PALM2AKAP2: variants seen among roughly 807,000 people sequenced by gnomAD.
The protein encoded by PALM2AKAP2 is PALM2-AKAP2 fusion protein.
A neutral mutation model predicts 71.5 loss-of-function variants in PALM2AKAP2; 37 were observed. That is an observed-to-expected ratio of 0.52 (90% CI 0.40 to 0.68). PALM2AKAP2 has a LOEUF of 0.68. PALM2AKAP2 is among the 30% of genes least tolerant of loss of function. The probability of loss-of-function intolerance (pLI) is 0.00; values close to 1 mark genes in which losing one functional copy is unlikely to be tolerated. For missense variants in PALM2AKAP2, 1,224 were observed against 1,191.8 expected (o/e 1.03, Z -0.40); for synonymous variants, 468 against 478.8 (o/e 0.98, Z 0.29).
intron 1 of PALM2AKAP2, among the ~76,000 whole-genome samples, chr9:110,128,514 A>G (rs1835667270): frequency 1.3e-5 from 2 of 152,252 alleles, no homozygotes; most frequent in African/African-American, 2.4e-5. Context: ...ACTGGATTAA[A>G]GGATCGGGTC....
At chr9:109,662,966 T>A (rs982469449) in intron 1 of PALM2AKAP2, among the ~76,000 whole-genome samples, 5 of 152,322 alleles carry the variant, frequency 3.3e-5, no homozygotes, top group Non-Finnish European at 7.3e-5. Context: ...GAGGTGTTTA[T>A]AGTATTCTCT....
chr9:110,110,052 G>A (rs1440501564), intron 1 of PALM2AKAP2, among the ~76,000 whole-genome samples: 5 of 152,234 alleles, frequency 3.3e-5, no homozygotes, highest in Admixed American at 1.3e-4. Flanking sequence ...TAATAATGAT[G>A]TATTATATAT....
chr9:109,869,784 T>C (rs1352490714), intron 2 of PALM2AKAP2, among the ~76,000 whole-genome samples: 1 of 152,156 alleles, frequency 6.6e-6, no homozygotes, highest in African/African-American at 2.4e-5. Flanking sequence ...ATGGCTATCT[T>C]GGTAAAATTC....
At chr9:109,975,762 G>T (rs1832160844) in intron 6 of PALM2AKAP2, among the ~76,000 whole-genome samples, 1 of 152,188 alleles carries the variant, frequency 6.6e-6, no homozygotes, top group African/African-American at 2.4e-5. Context: ...TGCAAAAATT[G>T]TGGTTCACAG....
At chr9:109,962,179 T>C (rs532903209) in intron 6 of PALM2AKAP2, among the ~76,000 whole-genome samples, 1 of 152,360 alleles carries the variant, frequency 6.6e-6, no homozygotes, top group African/African-American at 2.4e-5. Context: ...CTGCTACCTC[T>C]TGTACCCCAG....
rs548107746 is a variant in PALM2AKAP2 at position 110,106,690 on chromosome 9, C to T, written c.157-29437C>T. On this transcript the variant is annotated intron_variant, in intron 1 of 3. Transcript: ENST00000374525. ...GGAAAAGCAGAGAATGCCAGCCAGC[C>T]ATGAGTGGATTTGAGAGGTCTGAAG... Among the ~76,000 whole-genome samples the T allele has an allele frequency of 4.0e-4, 61 of 152,210 alleles. 2 individuals carry two copies. In the South Asian group the frequency reaches 0.012, roughly 30 times the overall value.
At position 109,913,760 on chromosome 9, in the gene PALM2AKAP2, T is replaced by C. The variant is rs937091673; in HGVS notation, c.258-9975T>C. Among the ~76,000 whole-genome samples, 89 of 148,804 alleles carry C rather than the reference T, an allele frequency of 6.0e-4. 3 individuals are homozygous for C. In the South Asian group the frequency reaches 0.019, roughly 31 times the overall value. ...CTTAAACAAGATGCTTATTTCTTTT[T>C]TTTTTTTTTTTTTTGAGACGGAGTC... On this transcript the variant is annotated intron_variant, in intron 3 of 9. Transcript: ENST00000302798.
intron 1 of PALM2AKAP2, among the ~76,000 whole-genome samples, chr9:109,715,561 C>T (rs1327691770): frequency 6.6e-6 from 1 of 152,208 alleles, no homozygotes; most frequent in African/African-American, 2.4e-5. Flanking sequence ...CTGCTGTCCA[C>T]TCCCTGCAGT....
rs150611744 is a variant in PALM2AKAP2, at chr9:110,138,347, G to A, written c.2377G>A (p.Val793Met). 64 of 1,614,198 alleles carry A rather than the reference G, an allele frequency of 4.0e-5. No homozygotes were observed. In the African/African-American group the frequency reaches 5.6e-4, roughly 14 times the overall value. ...CCTCCTGGCCACTCAAGAATCTGAC[G>A]TGATGGTTGGGCCTTTCAAGCTGAG... The change falls in exon 2 of 4, where the codon GTG (valine) becomes ATG (methionine). Residue 793 changes from valine to methionine, a missense_variant. Transcript: ENST00000374525.
chr9:109,793,145 A>C (rs747445271), intron 1 of PALM2AKAP2, among the ~76,000 whole-genome samples: 3 of 152,248 alleles, frequency 2.0e-5, no homozygotes, highest in Non-Finnish European at 4.4e-5. Flanking sequence ...AGTGCTTTCT[A>C]TACACATAAA....
At chr9:109,898,017 C>T (rs1169940029) in intron 3 of PALM2AKAP2, among the ~76,000 whole-genome samples, 1 of 152,128 alleles carries the variant, frequency 6.6e-6, no homozygotes, top group Non-Finnish European at 1.5e-5. Context: ...CATTAACAAA[C>T]CAAGAAGACT....
rs961028604 is a variant in PALM2AKAP2, at chr9:110,109,309, C to G, written c.157-26818C>G. Reference sequence around the variant, plus strand: ...TCCAGCCTGGGCAACAAGAGGGAATCTTTGTCTCCAAAAAAAAAAAAAAAA... The same window carrying G: ...TCCAGCCTGGGCAACAAGAGGGAATGTTTGTCTCCAAAAAAAAAAAAAAAA... On this transcript the variant is annotated intron_variant, in intron 1 of 3. Transcript: ENST00000374525. 4.7e-5 allele frequency among the ~76,000 whole-genome samples: 4 copies of G among 85,990 alleles called. No individual in the cohort carries two copies. The Admixed American group carries it at 4.7e-4, about 10-fold the overall frequency. The allele number at this position is 85,990 out of a possible 152,430, so 56.4% of individuals were successfully genotyped here.
chr9:109,839,663 C>T lies in PALM2AKAP2; in HGVS notation c.46-27828C>T, dbSNP rs1369590117. On this transcript the variant is annotated intron_variant, in intron 1 of 9. Transcript: ENST00000302798. ...CAAATCTCCTTAAGCTGATAAGCAA[C>T]TTCAGCAAAGTCTCAGGATACAAAA... Among the ~76,000 whole-genome samples the T allele has an allele frequency of 3.3e-5, 5 of 152,320 alleles. No individual in the cohort carries two copies. In the South Asian group the frequency reaches 1.0e-3, roughly 32 times the overall value.
At chr9:110,056,547 T>C (rs935752425) in intron 1 of PALM2AKAP2, among the ~76,000 whole-genome samples, 2 of 152,264 alleles carry the variant, frequency 1.3e-5, no homozygotes, top group Non-Finnish European at 2.9e-5. Context: ...TGTGTGATTC[T>C]AAAGCCATAT....
chr9:109,782,156 G>A (rs1282004016), intron 1 of PALM2AKAP2, among the ~76,000 whole-genome samples: 1 of 152,196 alleles, frequency 6.6e-6, no homozygotes, highest in African/African-American at 2.4e-5. Flanking sequence ...TGCTAACACT[G>A]GGGTACCCTT....
At chr9:110,107,136 T>C (rs1473642491) in intron 1 of PALM2AKAP2, among the ~76,000 whole-genome samples, 1 of 152,180 alleles carries the variant, frequency 6.6e-6, no homozygotes, top group African/African-American at 2.4e-5. Flanking sequence ...GCAAAAATAT[T>C]CTAGTTGTTT....
intron 7 of PALM2AKAP2, among the ~76,000 whole-genome samples, chr9:110,017,915 A>G (rs1030717409): frequency 1.3e-5 from 2 of 151,830 alleles, no homozygotes; most frequent in African/African-American, 2.4e-5. Context: ...TTCAGTAGAG[A>G]CGGGGTTTCA....
intron 1 of PALM2AKAP2, among the ~76,000 whole-genome samples, chr9:109,815,710 T>G (rs1392994260): frequency 6.6e-6 from 1 of 152,146 alleles, no homozygotes; most frequent in African/African-American, 2.4e-5. Flanking sequence ...AGTGAGGTTG[T>G]GGAGTGTGGA....
At chr9:109,795,120 C>G (rs1431910430) in intron 1 of PALM2AKAP2, among the ~76,000 whole-genome samples, 1 of 152,206 alleles carries the variant, frequency 6.6e-6, no homozygotes, top group Non-Finnish European at 1.5e-5. Context: ...TGGGGCCGAT[C>G]TTTTGCATTA....
Sources: gnomAD v4.1 joint callset for allele counts (sites outside exome capture counted in the v4.1 genomes callset) on GRCh38, gnomAD v4.1.1 for gene constraint, MANE v1.5 for transcripts, NCBI Gene and HGNC (gene_info 2026-07-23, HGNC 2026-07-21) for gene names.